AGBL1: variants seen among roughly 807,000 people sequenced by gnomAD.
AGBL1 encodes AGBL carboxypeptidase 1, also known as cytosolic carboxypeptidase 4.
In AGBL1, 130 loss-of-function variants were observed where a neutral mutation model predicts 118.9. That is an observed-to-expected ratio of 1.09 (90% CI 0.95 to 1.26). The LOEUF (loss-of-function observed/expected upper bound fraction) is 1.26, where lower values mean the gene tolerates loss of function less well. Among genes scored for constraint, AGBL1 ranks in the 50% most tolerant of loss-of-function variants. The pLI is 0.00. For synonymous variants in AGBL1, 555 were observed against 478.9 expected, an observed-to-expected ratio of 1.16 and a Z score of -2.08; for missense variants, 1,584 against 1,298.1, an observed-to-expected ratio of 1.22 and a Z score of -3.38.
chr15:86,975,925 G>A (rs1383374883), intron 23 of AGBL1, among the ~76,000 whole-genome samples: 1 of 57,058 alleles, frequency 1.8e-5, no homozygotes, highest in Admixed American at 1.5e-4. Flanking sequence ...CAAGCCCCAT[G>A]ACAGCAGAGC....
intron 5 of AGBL1, among the ~76,000 whole-genome samples, chr15:86,217,243 G>T (rs1005406041): frequency 7.2e-5 from 11 of 152,034 alleles, no homozygotes; most frequent in Non-Finnish European, 1.3e-4. Flanking sequence ...AAGAGTCTTT[G>T]GTTTATCAGT....
At chr15:87,029,497 T>TAAC (rs199756176), downstream of AGBL1, among the ~76,000 whole-genome samples, 4 of 107,222 alleles carry the variant, frequency 3.7e-5, no homozygotes, top group Admixed American at 3.7e-4. Context: ...TTTATAATAA[T>TAAC]AACAACAACG....
chr15:86,814,902 A>G (rs1016836919), intron 22 of AGBL1, among the ~76,000 whole-genome samples: 3 of 152,186 alleles, frequency 2.0e-5, no homozygotes, highest in African/African-American at 7.2e-5. Flanking sequence ...GAAATGCATT[A>G]AAGTTTCTAA....
chr15:86,463,227 A>C (rs566125332), intron 18 of AGBL1, among the ~76,000 whole-genome samples: 307 of 151,658 alleles, frequency 2.0e-3, no homozygotes, highest in Non-Finnish European at 3.7e-3. Context: ...TTTGCTGCAT[A>C]AATGTCTTAT....
intron 5 of AGBL1, among the ~76,000 whole-genome samples, chr15:86,162,684 T>TA (rs2077283953): frequency 1.3e-5 from 2 of 152,352 alleles, no homozygotes; most frequent in South Asian, 4.1e-4. Context: ...CTTAAACTGC[T>TA]ATGATAGCCC....
At chr15:86,416,502 G>A (rs2081697309) in intron 18 of AGBL1, among the ~76,000 whole-genome samples, 4 of 152,130 alleles carry the variant, frequency 2.6e-5, no homozygotes, top group Non-Finnish European at 4.4e-5. Flanking sequence ...AACTCAGCCA[G>A]CAAGACTCCT....
intron 6 of AGBL1, among the ~76,000 whole-genome samples, chr15:86,235,890 A>G (rs2078533183): frequency 6.6e-6 from 1 of 152,194 alleles, no homozygotes; most frequent in African/African-American, 2.4e-5. Flanking sequence ...AACATCCTAC[A>G]AATGCACAGG....
At chr15:86,700,666 A>G (rs1257846662) in intron 22 of AGBL1, among the ~76,000 whole-genome samples, 1 of 152,102 alleles carries the variant, frequency 6.6e-6, no homozygotes, top group African/African-American at 2.4e-5. Flanking sequence ...AAAAATAGAA[A>G]TGATACACTA....
At chr15:86,558,360 G>A (rs531162243) in intron 21 of AGBL1, among the ~76,000 whole-genome samples, 1 of 152,128 alleles carries the variant, frequency 6.6e-6, no homozygotes, top group Admixed American at 6.5e-5. Context: ...CTGATCTGTG[G>A]GAAAACAAAA....
chr15:86,247,589 G>T (rs2078741336), intron 6 of AGBL1, 82 bp from the exon 7 acceptor site: 1 of 1,339,816 alleles, frequency 7.5e-7, no homozygotes, highest in Admixed American at 2.0e-5. Context: ...TAAGTATCTT[G>T]TGGGAAATAC....
intron 17 of AGBL1, among the ~76,000 whole-genome samples, chr15:86,387,525 A>G (rs1324219558): frequency 6.6e-6 from 1 of 152,150 alleles, no homozygotes; most frequent in African/African-American, 2.4e-5. Context: ...AGAAAGGGGG[A>G]TATATGTTTG....
intron 1 of AGBL1, among the ~76,000 whole-genome samples, chr15:86,095,566 G>T (rs1023404315): frequency 3.3e-5 from 5 of 150,846 alleles, no homozygotes; most frequent in Admixed American, 1.3e-4. Flanking sequence ...AAGTTAGAAG[G>T]ATTTTTCCGT....
At chr15:86,685,175 A>G (rs572618591) in intron 22 of AGBL1, among the ~76,000 whole-genome samples, 6 of 152,168 alleles carry the variant, frequency 3.9e-5, no homozygotes, top group South Asian at 4.1e-4. Flanking sequence ...AGGAATGTCA[A>G]TAGGTACTAT....
intron 5 of AGBL1, among the ~76,000 whole-genome samples, chr15:86,174,292 T>C (rs888399998): frequency 6.6e-6 from 1 of 152,132 alleles, no homozygotes; most frequent in African/African-American, 2.4e-5. Flanking sequence ...TATTTGTTGA[T>C]TTTGTATCCT....
intron 22 of AGBL1, among the ~76,000 whole-genome samples, chr15:86,849,879 G>A (rs941672944): frequency 5.9e-5 from 9 of 152,158 alleles, no homozygotes; most frequent in African/African-American, 1.4e-4. Flanking sequence ...GGCCTCTGTC[G>A]ACATCACGCT....
chr15:86,937,768 G>T (rs937646441), intron 23 of AGBL1, among the ~76,000 whole-genome samples: 1 of 152,122 alleles, frequency 6.6e-6, no homozygotes, highest in African/African-American at 2.4e-5. Flanking sequence ...TACCTATGTG[G>T]CAAACTTTCA....
chr15:86,462,987 A>G (rs2082352686), intron 18 of AGBL1, among the ~76,000 whole-genome samples: 1 of 152,140 alleles, frequency 6.6e-6, no homozygotes, highest in African/African-American at 2.4e-5. Context: ...TGGTATTTCT[A>G]GTTCTAGATC....
chr15:86,963,431 G>A (rs1438366676), intron 23 of AGBL1, among the ~76,000 whole-genome samples: 1 of 151,790 alleles, frequency 6.6e-6, no homozygotes, highest in Non-Finnish European at 1.5e-5. Flanking sequence ...CTTTGGATTA[G>A]TGCTGTCCTC....
intron 21 of AGBL1, among the ~76,000 whole-genome samples, chr15:86,633,512 GTAAA>G (rs1212362073): frequency 1.3e-5 from 2 of 151,994 alleles, no homozygotes; most frequent in Non-Finnish European, 2.9e-5. Flanking sequence ...TGAACTCTCA[GTAAA>G]TAAATACTGC....
Sources: gnomAD v4.1 joint callset for allele counts (sites outside exome capture counted in the v4.1 genomes callset) on GRCh38, gnomAD v4.1.1 for gene constraint, MANE v1.5 for transcripts, NCBI Gene and HGNC (gene_info 2026-07-23, HGNC 2026-07-21) for gene names.